Variants in KCNIP4 observed in about 807,000 individuals in gnomAD.
The protein encoded by KCNIP4 is potassium voltage-gated channel interacting protein 4.
Under a neutral mutation model 34.0 loss-of-function variants are expected in KCNIP4, and 12 were observed. That is an observed-to-expected ratio of 0.35 (90% confidence interval 0.23 to 0.57). The LOEUF (loss-of-function observed/expected upper bound fraction) is 0.57. Ranked by LOEUF, KCNIP4 falls within the 20% of genes least tolerant of loss-of-function variation. The pLI, the probability that KCNIP4 is intolerant of heterozygous loss-of-function variation, is 0.83. For missense variants in KCNIP4, 238 were observed against 311.7 expected, an observed-to-expected ratio of 0.76 and a Z score of 1.78; for synonymous variants, 124 against 102.2, an observed-to-expected ratio of 1.21 and a Z score of -1.29.
intron 1 of KCNIP4, among the ~76,000 whole-genome samples, chr4:21,618,868 C>T (rs1001575016): frequency 2.0e-5 from 3 of 151,952 alleles, no homozygotes; most frequent in African/African-American, 4.8e-5. Context: ...CACCTGACCT[C>T]GTGATCCGCC....
intron 1 of KCNIP4, among the ~76,000 whole-genome samples, chr4:21,627,415 A>C (rs1181201612): frequency 3.9e-5 from 6 of 152,064 alleles, no homozygotes; most frequent in Non-Finnish European, 7.4e-5. Flanking sequence ...CACCCAAAAA[A>C]CTGTTAATCC....
intron 1 of KCNIP4, among the ~76,000 whole-genome samples, chr4:21,460,757 T>C (rs1203542580): frequency 1.3e-5 from 2 of 152,084 alleles, no homozygotes; most frequent in African/African-American, 4.8e-5. Flanking sequence ...AATTTCTCAG[T>C]AACTTTAGAG....
chr4:21,028,995 A>G (rs527263865), intron 1 of KCNIP4, among the ~76,000 whole-genome samples: 1 of 152,318 alleles, frequency 6.6e-6, no homozygotes, highest in African/African-American at 2.4e-5. Flanking sequence ...TAACCACTGA[A>G]TTATATTCCT....
At chr4:21,230,954 G>A (rs867008217) in intron 1 of KCNIP4, among the ~76,000 whole-genome samples, 1 of 152,140 alleles carries the variant, frequency 6.6e-6, no homozygotes, top group Non-Finnish European at 1.5e-5. Flanking sequence ...CTTCCAAATG[G>A]TTGAACTAAT....
chr4:20,988,843 T>A (rs1341593082), intron 1 of KCNIP4, among the ~76,000 whole-genome samples: 1 of 152,234 alleles, frequency 6.6e-6, no homozygotes, highest in Non-Finnish European at 1.5e-5. Context: ...GATAGATGTA[T>A]GAATTTCTCT....
intron 1 of KCNIP4, among the ~76,000 whole-genome samples, chr4:21,633,274 A>AT (rs781704472): frequency 4.6e-5 from 7 of 151,456 alleles, no homozygotes; most frequent in East Asian, 3.9e-4. Context: ...AATCCCCCCA[A>AT]TTTTTTTTTG....
At chr4:21,740,230 C>A (rs1436475573) in intron 1 of KCNIP4, among the ~76,000 whole-genome samples, 1 of 151,906 alleles carries the variant, frequency 6.6e-6, no homozygotes, top group Admixed American at 6.6e-5. Context: ...TTATGGTTTT[C>A]AATACTTAAA....
At chr4:20,864,246 GTA>G (rs111490119) in intron 2 of KCNIP4, among the ~76,000 whole-genome samples, 1 of 150,878 alleles carries the variant, frequency 6.6e-6, no homozygotes, top group African/African-American at 2.4e-5. Context: ...ACATATGTAT[GTA>G]TATATGCACA....
intron 1 of KCNIP4, among the ~76,000 whole-genome samples, chr4:21,414,175 G>C (rs1046892784): frequency 3.3e-5 from 5 of 152,106 alleles, no homozygotes; most frequent in Non-Finnish European, 5.9e-5. Flanking sequence ...GAAAGTACTA[G>C]AGGTGGTTTT....
chr4:21,714,247 C>A (rs1560654763), intron 1 of KCNIP4, among the ~76,000 whole-genome samples: 1 of 152,142 alleles, frequency 6.6e-6, no homozygotes, highest in African/African-American at 2.4e-5. Flanking sequence ...GTGGTAAGTT[C>A]TCCCTCATAG....
chr4:21,196,564 G>T (rs139885660), intron 1 of KCNIP4, among the ~76,000 whole-genome samples: 1 of 152,272 alleles, frequency 6.6e-6, no homozygotes, highest in Admixed American at 6.5e-5. Context: ...TCATGGGTGT[G>T]CAACCTGTAT....
chr4:20,826,231 C>A (rs1717742346), intron 3 of KCNIP4, among the ~76,000 whole-genome samples: 1 of 151,942 alleles, frequency 6.6e-6, no homozygotes, highest in South Asian at 2.1e-4. Flanking sequence ...GAGGCATGTG[C>A]CTATTTATTG....
At chr4:21,257,319 G>A (rs573472164) in intron 1 of KCNIP4, among the ~76,000 whole-genome samples, 139 of 152,184 alleles carry the variant, frequency 9.1e-4, no homozygotes, top group Middle Eastern at 6.8e-3. Flanking sequence ...TTCATGTTTT[G>A]TTTCCCTATT....
At chr4:21,553,071 G>A (rs1172573225) in intron 1 of KCNIP4, among the ~76,000 whole-genome samples, 1 of 151,528 alleles carries the variant, frequency 6.6e-6, no homozygotes, top group Non-Finnish European at 1.5e-5. Flanking sequence ...GGTGAAGAAA[G>A]CACAGATGAA....
intron 1 of KCNIP4, among the ~76,000 whole-genome samples, chr4:21,790,461 T>A (rs1465631381): frequency 6.6e-6 from 1 of 152,170 alleles, no homozygotes; most frequent in East Asian, 1.9e-4. Flanking sequence ...TCGGAGGCTT[T>A]AGAGGTGGGA....
intron 5 of KCNIP4, among the ~76,000 whole-genome samples, chr4:20,740,291 C>T (rs1417668298): frequency 6.6e-6 from 1 of 151,884 alleles, no homozygotes; most frequent in Admixed American, 6.6e-5. Flanking sequence ...TCAGATTCAC[C>T]AAAGTTGAAA....
chr4:20,789,758 C>T (rs1275388414), intron 3 of KCNIP4, among the ~76,000 whole-genome samples: 2 of 150,980 alleles, frequency 1.3e-5, no homozygotes, highest in Non-Finnish European at 2.9e-5. Context: ...AGACATCATC[C>T]TAGATCATCC....
chr4:20,861,106 C>A (rs1277445614), intron 2 of KCNIP4, among the ~76,000 whole-genome samples: 1 of 152,140 alleles, frequency 6.6e-6, no homozygotes, highest in Non-Finnish European at 1.5e-5. Flanking sequence ...GTCTGCACAG[C>A]TGTGCAGCTG....
At chr4:20,979,678 G>C (rs1388641496) in intron 1 of KCNIP4, among the ~76,000 whole-genome samples, 2 of 151,986 alleles carry the variant, frequency 1.3e-5, no homozygotes, top group Admixed American at 1.3e-4. Flanking sequence ...GATTACAGGT[G>C]TGAGCCACCG....
Sources: gnomAD v4.1 joint callset for allele counts (sites outside exome capture counted in the v4.1 genomes callset) on GRCh38, gnomAD v4.1.1 for gene constraint, MANE v1.5 for transcripts, NCBI Gene and HGNC (gene_info 2026-07-23, HGNC 2026-07-21) for gene names.